The following ELMO1 variants were observed in gnomAD, a reference collection of about 807,000 sequenced individuals.
ELMO1 encodes the protein engulfment and cell motility 1, also known as engulfment and cell motility protein 1.
In ELMO1, 26 loss-of-function variants were observed where a neutral mutation model predicts 98.9. The observed-to-expected ratio is 0.26, with a 90% CI of 0.19 to 0.36. The LOEUF (loss-of-function observed/expected upper bound fraction) is 0.36. Among genes scored for constraint, ELMO1 ranks in the 10% least tolerant of loss-of-function variants. The probability of loss-of-function intolerance (pLI) is 1.00; values close to 1 mark genes in which losing one functional copy is unlikely to be tolerated. For synonymous variants in ELMO1, 346 were observed against 346.0 expected, an observed-to-expected ratio of 1.00 and a Z score of 0.00; for missense variants, 627 against 935.2, an observed-to-expected ratio of 0.67 and a Z score of 4.30.
At chr7:37,259,377 G>T in intron 5 of ELMO1, 27 bp from the exon 6 acceptor site, 7 of 1,603,088 alleles carry the variant, frequency 4.4e-6, no homozygotes, top group Non-Finnish European at 6.0e-6. Flanking sequence ...AAAGGGAAGA[G>T]TGTTGACAAA....
chr7:37,147,772 C>T (rs1788082477), intron 13 of ELMO1, among the ~76,000 whole-genome samples: 1 of 148,106 alleles, frequency 6.8e-6, no homozygotes. Context: ...AAATCGTGCA[C>T]ACAAGAGTGG....
chr7:37,339,563 A>G (rs145653753), intron 2 of ELMO1, among the ~76,000 whole-genome samples: 126 of 152,366 alleles, frequency 8.3e-4, no homozygotes, highest in African/African-American at 2.9e-3. Context: ...GTAGAAGATT[A>G]GGAGAAAACC....
intron 1 of ELMO1, among the ~76,000 whole-genome samples, chr7:37,441,320 G>A (rs17171047): frequency 0.034 from 5,175 of 152,122 alleles, 291 homozygotes; most frequent in African/African-American, 0.12. Flanking sequence ...AGCAGAGAAG[G>A]TAAATAAAAG....
chr7:36,868,111 C>G (rs1208088810), intron 20 of ELMO1, among the ~76,000 whole-genome samples: 1 of 152,088 alleles, frequency 6.6e-6, no homozygotes, highest in Non-Finnish European at 1.5e-5. Context: ...TTGAAGTCTC[C>G]AATATATTAA....
At chr7:37,327,091 A>G (rs1799860332) in intron 2 of ELMO1, among the ~76,000 whole-genome samples, 1 of 152,184 alleles carries the variant, frequency 6.6e-6, no homozygotes. Flanking sequence ...TAATTCCCAT[A>G]TTGTCTTCAA....
At chr7:36,986,084 T>G in intron 16 of ELMO1, 1 of 994,666 alleles carries the variant, frequency 1.0e-6, no homozygotes, top group Non-Finnish European at 1.2e-6. Flanking sequence ...AGTTGAGCCA[T>G]GTGAACAGAG....
intron 14 of ELMO1, among the ~76,000 whole-genome samples, chr7:37,129,486 T>C (rs1317784055): frequency 6.6e-6 from 1 of 152,216 alleles, no homozygotes; most frequent in Non-Finnish European, 1.5e-5. Context: ...CCCACATGCA[T>C]GTAAGAGTCT....
At position 37,271,891 on chromosome 7, in the gene ELMO1, G is replaced by A. The variant is rs759980663; in HGVS notation, c.193-9C>T. The A allele has an allele frequency of 5.4e-5, 87 of 1,612,962 alleles. No homozygotes were observed. The Admixed American group carries it at 1.4e-3, about 27-fold the overall frequency. On this transcript the variant is annotated splice_polypyrimidine_tract_variant and intron_variant, in intron 4 of 21. Transcript: ENST00000310758. Reference sequence around the variant, plus strand: ...TTTATCTCATTGCGGTTCTGGAAAAGAAGAAAAAATCTTTGTAAATTTTCA... The same window carrying A: ...TTTATCTCATTGCGGTTCTGGAAAAAAAGAAAAAATCTTTGTAAATTTTCA...
At position 37,361,681 on chromosome 7, in the gene ELMO1, G is replaced by A. The variant is rs182399418; in HGVS notation, c.-73-18918C>T. Among the ~76,000 whole-genome samples the A allele has an allele frequency of 4.8e-3, 725 of 152,294 alleles. 16 individuals carry two copies. Among genetic ancestry groups the A allele is most frequent in the Admixed American group, 0.04 (618 of 15,300 alleles). On this transcript the variant is annotated intron_variant, in intron 1 of 21. Transcript: ENST00000310758. ...AAATTACATTGATAGCATGTCATCC[G>A]GGCACAGTGGCTCAAGCCCGTAATC...
At chr7:36,942,058 G>A (rs543754690) in intron 16 of ELMO1, among the ~76,000 whole-genome samples, 152 of 152,302 alleles carry the variant, frequency 1.0e-3, no homozygotes, top group African/African-American at 2.8e-3. Context: ...AGAGGTAGAG[G>A]TTAACATTAA....
At chr7:36,871,174 C>A (rs1803469723) in intron 19 of ELMO1, among the ~76,000 whole-genome samples, 1 of 152,184 alleles carries the variant, frequency 6.6e-6, no homozygotes. Context: ...ATGTCTTACT[C>A]TGGAGTTGGC....
At chr7:37,087,572 T>A (rs1783856336) in intron 15 of ELMO1, among the ~76,000 whole-genome samples, 1 of 152,222 alleles carries the variant, frequency 6.6e-6, no homozygotes, top group Admixed American at 6.5e-5. Flanking sequence ...TTGAGCTTAT[T>A]CATGTGAGAT....
chr7:37,021,762 C>T lies in ELMO1; in HGVS notation c.1301-8327G>A, dbSNP rs187135085. Among the ~76,000 whole-genome samples the T allele has an allele frequency of 6.9e-4, 105 of 151,822 alleles. 1 individual carries two copies. The South Asian group carries it at 0.01, about 15-fold the overall frequency. ...AATGTAGAGTGATTCATATGTTAAC[C>T]GAGATAAAGAACTCAATACATGTCA... On this transcript the variant is annotated intron_variant, in intron 15 of 21. Transcript: ENST00000310758.
chr7:36,943,765 T>TCA (rs1272576246), intron 16 of ELMO1, among the ~76,000 whole-genome samples: 1 of 152,200 alleles, frequency 6.6e-6, no homozygotes, highest in Non-Finnish European at 1.5e-5. Flanking sequence ...GAACATATTT[T>TCA]CATAACAAAA....
chr7:37,143,447 C>A (rs1453933001), intron 13 of ELMO1, among the ~76,000 whole-genome samples: 1 of 152,176 alleles, frequency 6.6e-6, no homozygotes, highest in African/African-American at 2.4e-5. Flanking sequence ...CGCTCTGTCA[C>A]CCAGGCTGGA....
chr7:37,188,110 A>G (rs1412075998), intron 13 of ELMO1, among the ~76,000 whole-genome samples: 1 of 152,132 alleles, frequency 6.6e-6, no homozygotes, highest in Non-Finnish European at 1.5e-5. Context: ...CAGAAATTAC[A>G]AACTTCACAC....
At chr7:37,447,608 C>T (rs1169927088) in intron 1 of ELMO1, among the ~76,000 whole-genome samples, 1 of 151,246 alleles carries the variant, frequency 6.6e-6, no homozygotes, top group East Asian at 1.9e-4. Flanking sequence ...GTCACACACA[C>T]ACACACCGAC....
At chr7:37,439,796 C>T (rs901329540) in intron 1 of ELMO1, among the ~76,000 whole-genome samples, 2 of 152,132 alleles carry the variant, frequency 1.3e-5, no homozygotes, top group African/African-American at 4.8e-5. Flanking sequence ...GAGTCAAAGT[C>T]GCTTCCTGGC....
chr7:37,430,751 G>T, intron 1 of ELMO1, among the ~76,000 whole-genome samples: 1 of 152,294 alleles, frequency 6.6e-6, no homozygotes, highest in East Asian at 1.9e-4. Flanking sequence ...GCTGTTTGTT[G>T]ATTACATTTT....
Sources: allele counts gnomAD v4.1 joint callset (sites outside exome capture counted in the v4.1 genomes callset), GRCh38; gene constraint gnomAD v4.1.1; transcripts MANE v1.5; gene names NCBI Gene and HGNC (gene_info 2026-07-23, HGNC 2026-07-21).